PGPEP1: variants seen among roughly 807,000 people sequenced by gnomAD.
PGPEP1 encodes the protein pyroglutamyl-peptidase 1.
A neutral mutation model predicts 24.1 loss-of-function variants in PGPEP1; 15 were observed. That is an observed-to-expected ratio of 0.62 (90% CI 0.42 to 0.96). The LOEUF is 0.96. Among genes scored for constraint, PGPEP1 ranks in the 40% least tolerant of loss-of-function variants. PGPEP1 has a pLI of 0.00. For missense variants in PGPEP1, 242 were observed against 273.4 expected, an observed-to-expected ratio of 0.89 and a Z score of 0.81; for synonymous variants, 122 against 116.4, an observed-to-expected ratio of 1.05 and a Z score of -0.31.
chr19:18,343,895 A>C (rs1970754067), intron 2 of PGPEP1, among the ~76,000 whole-genome samples: 1 of 151,622 alleles, frequency 6.6e-6, no homozygotes, highest in Non-Finnish European at 1.5e-5. Context: ...TGATGGCCAG[A>C]CTGGTCTCAA....
At chr19:18,349,773 CCAAA>C (rs1482384133) in intron 2 of PGPEP1, among the ~76,000 whole-genome samples, 11 of 152,140 alleles carry the variant, frequency 7.2e-5, no homozygotes, top group Non-Finnish European at 8.8e-5. Context: ...CCAGGTTGGT[CCAAA>C]CAGAGATTAC....
chr19:18,360,819 C>T (rs1241003903), intron 4 of PGPEP1, among the ~76,000 whole-genome samples: 1 of 151,812 alleles, frequency 6.6e-6, no homozygotes. Flanking sequence ...GCCACCGCGC[C>T]TGGCCTAATT....
chr19:18,342,362 G>A (rs965451989), intron 1 of PGPEP1, among the ~76,000 whole-genome samples: 5 of 152,196 alleles, frequency 3.3e-5, no homozygotes, highest in Non-Finnish European at 7.3e-5. Flanking sequence ...TTAATGCCAG[G>A]AAGATCACTT....
Position 18,342,799 on chromosome 19 carries a change from C to A in PGPEP1, c.35-60C>A, listed in dbSNP as rs145851389. ...TCTCCAGGTGGGAGTAGCGGCCAGG[C>A]CAGGGGCAGACTGGGAAGGGCCACT... is the stretch of plus-strand genomic sequence containing the variant. On this transcript the variant is annotated intron_variant, in intron 1 of 4. Coordinates refer to ENST00000269919, the MANE Select transcript of PGPEP1 (RefSeq NM_017712.4). 523 of 1,350,478 alleles carry A rather than the reference C, an allele frequency of 3.9e-4. 3 individuals are homozygous for A. In the African/African-American group the frequency reaches 6.8e-3, roughly 18 times the overall value. 83.7% of individuals were successfully genotyped at this position (1,350,478 alleles called of 1,614,324 possible). A position where few individuals can be genotyped will look rare whatever the true frequency, so the allele number is the denominator to read the frequency against.
At chr19:18,356,056 G>T (rs370065353) in intron 3 of PGPEP1, 45 bp downstream of exon 3, 3 of 1,202,504 alleles carry the variant, frequency 2.5e-6, no homozygotes, top group African/African-American at 3.0e-5. Context: ...GGACTTACAG[G>T]TTGGCACCCT....
At chr19:18,344,590 C>CTTTT (rs35966838) in intron 2 of PGPEP1, among the ~76,000 whole-genome samples, 2 of 141,134 alleles carry the variant, frequency 1.4e-5, no homozygotes, top group East Asian at 2.0e-4. Context: ...GGCTGTTTCC[C>CTTTT]TTTTTTTTTT....
At chr19:18,342,948 G>T (rs775138172) in intron 2 of PGPEP1, 37 bp downstream of exon 2, 2 of 1,533,616 alleles carry the variant, frequency 1.3e-6, no homozygotes, top group South Asian at 2.2e-5. Flanking sequence ...CAGGCTTGGA[G>T]CTGGGCACAC....
Position 18,364,237 on chromosome 19 carries a change from C to T in PGPEP1, c.*654C>T, listed in dbSNP as rs1971460172. 6.7e-6 allele frequency: 1 copy of T among 149,962 alleles called. No homozygotes were observed. Among genetic ancestry groups the T allele is most frequent in the African/African-American group, 2.5e-5 (1 of 40,676 alleles). 9.3% of individuals were successfully genotyped at this position (149,962 alleles called of 1,614,324 possible). A position where few individuals can be genotyped will look rare whatever the true frequency, so the allele number is the denominator to read the frequency against. On this transcript the variant is annotated 3_prime_UTR_variant, in exon 5 of 5. Transcript: ENST00000269919. ...GTTAAAATGCAGGCTTTTTAGCCAA[C>T]AACAAAAGTGTTTTCCCCCCACCCC...
At chr19:18,359,568 C>T (rs1361317364) in intron 4 of PGPEP1, among the ~76,000 whole-genome samples, 15 of 149,156 alleles carry the variant, frequency 1.0e-4, no homozygotes, top group Non-Finnish European at 2.2e-4. Flanking sequence ...AGTGCATTGG[C>T]GCGATCTTGG....
intron 2 of PGPEP1, among the ~76,000 whole-genome samples, chr19:18,346,194 C>T (rs769309245): frequency 6.6e-6 from 1 of 152,142 alleles, no homozygotes; most frequent in Non-Finnish European, 1.5e-5. Flanking sequence ...CAGGAACAAG[C>T]AGCTTCCAGG....
At chr19:18,345,864 C>A (rs1970827065) in intron 2 of PGPEP1, among the ~76,000 whole-genome samples, 1 of 151,880 alleles carries the variant, frequency 6.6e-6, no homozygotes, top group African/African-American at 2.4e-5. Flanking sequence ...TATGGTGAAA[C>A]CCTGTCTCTA....
chr19:18,347,709 C>T (rs551783659), intron 2 of PGPEP1, among the ~76,000 whole-genome samples: 2 of 151,260 alleles, frequency 1.3e-5, no homozygotes, highest in African/African-American at 4.9e-5. Flanking sequence ...TCTTGGCTCA[C>T]TGCAACCTCT....
At chr19:18,359,406 T>C (rs1041934241) in intron 4 of PGPEP1, among the ~76,000 whole-genome samples, 1 of 151,900 alleles carries the variant, frequency 6.6e-6, no homozygotes, top group Non-Finnish European at 1.5e-5. Flanking sequence ...ACCAGCTTCC[T>C]CCTGCTCCTC....
At chr19:18,362,865 C>CA (rs1971382194) in intron 4 of PGPEP1, among the ~76,000 whole-genome samples, 1 of 151,432 alleles carries the variant, frequency 6.6e-6, no homozygotes, top group Non-Finnish European at 1.5e-5. Context: ...TCTCAATAAA[C>CA]AAAAAATGGA....
Position 18,363,416 on chromosome 19 carries a change from A to G in PGPEP1, c.463A>G (p.Thr155Ala). ...ATATCTCTGCGACTTTACCTACTAC[A>G]CCTCTTTGTACCAGAGTCACGGTCG... ...GRYLCDFTYY[T>A]SLYQSHGRSA... Residue 155 changes from threonine to alanine, a missense_variant, in exon 5 of 5, where the codon ACC becomes GCC. By Grantham distance (58) the Thr-to-Ala change is moderately conservative. Transcript: ENST00000269919. 6.2e-7 allele frequency: 1 copy of G among 1,610,944 alleles called. No individual in the cohort carries two copies. The highest frequency in any genetic ancestry group is 2.2e-5 in the East Asian group (1 of 44,728).
At chr19:18,349,669 A>G (rs1168129399) in intron 2 of PGPEP1, among the ~76,000 whole-genome samples, 1 of 152,148 alleles carries the variant, frequency 6.6e-6, no homozygotes, top group East Asian at 1.9e-4. Context: ...AGTTTTTTGC[A>G]TAGAAGTCTC....
rs886073578 is a variant in PGPEP1 at position 18,366,706 on chromosome 19, G to C, written c.*3123G>C. 1 of 151,942 alleles carries C rather than the reference G, an allele frequency of 6.6e-6. No individual in the cohort carries two copies. Among genetic ancestry groups the C allele is most frequent in the Non-Finnish European group, 1.5e-5 (1 of 67,994 alleles). 9.4% of individuals were successfully genotyped at this position (151,942 alleles called of 1,614,324 possible). A position where few individuals can be genotyped will look rare whatever the true frequency, so the allele number is the denominator to read the frequency against. ...GGCTGGTCTTGAAATCCTGACCTCA[G>C]GTGATCTGCCTGCCTTGGCCTCCCA... On this transcript the variant is annotated 3_prime_UTR_variant, in exon 5 of 5. Transcript: ENST00000269919.
chr19:18,348,470 A>G (rs1446242820), intron 2 of PGPEP1, among the ~76,000 whole-genome samples: 5 of 152,072 alleles, frequency 3.3e-5, no homozygotes, highest in African/African-American at 1.2e-4. Flanking sequence ...CCGTCCTTTC[A>G]CGGTGTATGC....
chr19:18,356,055 GGT>G (rs1275070973), intron 3 of PGPEP1, 44 bp downstream of exon 3: 1 of 1,216,460 alleles, frequency 8.2e-7, no homozygotes, highest in Admixed American at 1.7e-5. Context: ...AGGACTTACA[GGT>G]TGGCACCCTT....
Sources: gnomAD v4.1 joint callset for allele counts (sites outside exome capture counted in the v4.1 genomes callset) on GRCh38, gnomAD v4.1.1 for gene constraint, MANE v1.5 for transcripts, NCBI Gene and HGNC (gene_info 2026-07-23, HGNC 2026-07-21) for gene names.